Variants in MCM8 observed in about 807,000 individuals in gnomAD.
MCM8 encodes the protein minichromosome maintenance 8 homologous recombination repair factor, also known as DNA helicase MCM8.
MCM8 carries 85 observed loss-of-function variants against 98.9 expected under a neutral mutation model. The observed-to-expected ratio is 0.86, with a 90% CI of 0.72 to 1.03. The LOEUF is 1.03. Ranked by LOEUF, MCM8 falls within the 50% of genes least tolerant of loss-of-function variation. The pLI, the probability that MCM8 is intolerant of heterozygous loss-of-function variation, is 0.00. For missense variants in MCM8, 951 were observed against 997.8 expected (o/e 0.95, Z 0.63); for synonymous variants, 352 against 338.6 (o/e 1.04, Z -0.44).
At chr20:5,979,752 G>T (rs1037145039) in intron 13 of MCM8, among the ~76,000 whole-genome samples, 3 of 152,166 alleles carry the variant, frequency 2.0e-5, no homozygotes, top group African/African-American at 7.2e-5. Flanking sequence ...TGGCATGCCT[G>T]TAACCACGCT....
intron 8 of MCM8, among the ~76,000 whole-genome samples, chr20:5,963,704 A>T (rs2089208788): frequency 6.6e-6 from 1 of 151,394 alleles, no homozygotes; most frequent in African/African-American, 2.4e-5. Flanking sequence ...ATTTTTTTGT[A>T]TTTTTAGTAG....
intron 14 of MCM8, 38 bp downstream of exon 14, chr20:5,983,203 A>T (rs777816898): frequency 2.7e-6 from 4 of 1,497,198 alleles, no homozygotes; most frequent in Non-Finnish European, 9.1e-7. Flanking sequence ...TAATGTATTG[A>T]ATCACTTTAA....
intron 12 of MCM8, among the ~76,000 whole-genome samples, chr20:5,976,284 C>T (rs2089509593): frequency 6.6e-6 from 1 of 152,076 alleles, no homozygotes; most frequent in Non-Finnish European, 1.5e-5. Flanking sequence ...ATTAGCCAGT[C>T]ATGGTGGCAT....
Position 5,997,378 on chromosome 20 carries a change from C to G in MCM8, c.*2987C>G, listed in dbSNP as rs2089972862. On this transcript the variant is annotated 3_prime_UTR_variant, in exon 19 of 19. Coordinates refer to ENST00000610722, the MANE Select transcript of MCM8 (RefSeq NM_032485.6). ...TATTTTTAGTAGAGACGGGGTTTCT[C>G]CATGTTGGTGAGGCTGGTTTTTAAC... The G allele has an allele frequency of 6.6e-6, 1 of 152,082 alleles. No individual in the cohort carries two copies. The highest frequency in any genetic ancestry group is 1.9e-4 in the East Asian group (1 of 5,168). 9.4% of individuals were successfully genotyped at this position (152,082 alleles called of 1,614,324 possible).
intron 17 of MCM8, among the ~76,000 whole-genome samples, chr20:5,990,376 A>G (rs2089825667): frequency 6.6e-6 from 1 of 152,044 alleles, no homozygotes; most frequent in South Asian, 2.1e-4. Context: ...CGCGCCTGAC[A>G]TCACACAGTC....
At chr20:5,978,227 T>G (rs563900023) in intron 13 of MCM8, among the ~76,000 whole-genome samples, 1 of 152,254 alleles carries the variant, frequency 6.6e-6, no homozygotes, top group Non-Finnish European at 1.5e-5. Context: ...TCATTCATTT[T>G]CAGAATCTTA....
chr20:5,972,055 T>A lies in MCM8; in HGVS notation c.1254+18T>A, dbSNP rs2089415438. 1 of 1,599,744 alleles carries A rather than the reference T, an allele frequency of 6.3e-7. No homozygotes were observed. Among genetic ancestry groups the A allele is most frequent in the South Asian group, 1.1e-5 (1 of 89,024 alleles). Reference sequence around the variant, plus strand: ...GTCATGAAGTAAGTATTTTACTTCATCTTTACTCAAAAAGTATATAAGGTT... The same window carrying A: ...GTCATGAAGTAAGTATTTTACTTCAACTTTACTCAAAAAGTATATAAGGTT... On this transcript the variant is annotated intron_variant, in intron 11 of 18. Transcript: ENST00000610722.
At chr20:5,959,690 CTTTTTTTTTTTT>C (rs61232248) in intron 7 of MCM8, among the ~76,000 whole-genome samples, 3 of 65,200 alleles carry the variant, frequency 4.6e-5, no homozygotes, top group Admixed American at 4.4e-4. Context: ...GTAGGCTGTA[CTTTTTTTTTTTT>C]TTTTTTTTTT....
chr20:5,967,502 G>A lies in MCM8; in HGVS notation c.942G>A (p.Glu314=), dbSNP rs1429093728. The part of the protein sequence containing the change: ...AGRIPRTIEC[E]LVHDLVDSCV... Reference sequence around the variant, plus strand: ...GGATTCCACGAACAATAGAATGTGAGCTTGTTCATGATCTTGTGGATAGCT... The same window carrying A: ...GGATTCCACGAACAATAGAATGTGAACTTGTTCATGATCTTGTGGATAGCT... Residue 314 remains glutamate (E), a synonymous_variant, in exon 9 of 19, where the codon GAG becomes GAA. Coordinates refer to ENST00000610722, the MANE Select transcript of MCM8 (RefSeq NM_032485.6). 1.9e-6 allele frequency: 3 copies of A among 1,613,938 alleles called. No individual in the cohort carries two copies. In the East Asian group the frequency reaches 6.7e-5, roughly 36 times the overall value.
In MCM8 at chr20:5,963,282, G is replaced by C. The variant is rs2089193766; in HGVS notation, c.798G>C (p.Val266=). The C allele has an allele frequency of 6.2e-7, 1 of 1,613,248 alleles. No homozygotes were observed. The highest frequency in any genetic ancestry group is 8.5e-7 in the Non-Finnish European group (1 of 1,179,382). ...GKYSLPTKCP[V]PVCRGRSFTA... ...ACTTTTGTTTCATTCAGTGTCCTGT[G>C]CCTGTGTGTCGAGGCAGGTCATTTA... The change falls in exon 8 of 19, where the codon GTG becomes GTC. Residue 266 remains valine, a synonymous_variant. Transcript: ENST00000610722.
chr20:5,979,280 G>C (rs1055577618), intron 13 of MCM8, among the ~76,000 whole-genome samples: 5 of 150,940 alleles, frequency 3.3e-5, no homozygotes, highest in Admixed American at 1.3e-4. Context: ...CCTCTTACCT[G>C]TTGTTAACTA....
chr20:5,961,572 G>A (rs553720197), intron 7 of MCM8, among the ~76,000 whole-genome samples: 1 of 152,240 alleles, frequency 6.6e-6, no homozygotes, highest in Non-Finnish European at 1.5e-5. Flanking sequence ...TGTTTGTCTT[G>A]GCTTAAGGTT....
chr20:5,967,357 T>C, intron 8 of MCM8, 79 bp from the exon 9 acceptor site: 1 of 1,293,694 alleles, frequency 7.7e-7, no homozygotes, highest in South Asian at 1.5e-5. Context: ...CTCAGCATCA[T>C]GTGAACCCTG....
chr20:5,967,639 T>G (rs748959997), intron 9 of MCM8, 52 bp downstream of exon 9: 10 of 1,551,462 alleles, frequency 6.4e-6, no homozygotes, highest in Non-Finnish European at 8.8e-6. Flanking sequence ...TTCATCAACG[T>G]TCATCTTTTC....
Position 5,984,898 on chromosome 20 carries a change from G to T in MCM8, c.1851G>T (p.Gln617His). 1 of 1,614,136 alleles carries T rather than the reference G, an allele frequency of 6.2e-7. No individual in the cohort carries two copies. The highest frequency in any genetic ancestry group is 1.1e-5 in the South Asian group (1 of 91,080). The change falls in exon 15 of 19, where the codon CAG (glutamine) becomes CAT (histidine). Residue 617 changes from glutamine to histidine, a missense_variant. Gln to His is a conservative substitution (Grantham distance 24, BLOSUM62 0). Transcript: ENST00000610722. ...EHVIAIRAGK[Q>H]RTISSATVAR... ...TGATTGCAATAAGAGCTGGAAAGCA[G>T]AGAACCATTAGCAGTGCCACAGTAG...
rs1395603973 is a variant in MCM8 at position 5,997,756 on chromosome 20, A to C, written c.*3365A>C. ...GTAGCTGGAACTACAGGAATGCAACACCATGCCCAGCTAATTTTGATTTTT... is the reference window on the plus strand; with the variant it reads ...GTAGCTGGAACTACAGGAATGCAACCCCATGCCCAGCTAATTTTGATTTTT... On this transcript the variant is annotated 3_prime_UTR_variant, in exon 19 of 19. Coordinates refer to ENST00000610722, the MANE Select transcript of MCM8 (RefSeq NM_032485.6). 1 of 152,300 alleles carries C rather than the reference A, an allele frequency of 6.6e-6. No individual in the cohort carries two copies. The allele number at this position is 152,300 out of a possible 1,614,324, so 9.4% of individuals were successfully genotyped here.
At chr20:5,985,639 G>A (rs568465781) in intron 15 of MCM8, among the ~76,000 whole-genome samples, 127 of 151,736 alleles carry the variant, frequency 8.4e-4, no homozygotes, top group South Asian at 2.1e-4. Flanking sequence ...TCTGTCTCCC[G>A]GGTTCAAGTG....
intron 13 of MCM8, among the ~76,000 whole-genome samples, chr20:5,979,794 C>T (rs2089593106): frequency 1.3e-5 from 2 of 152,178 alleles, no homozygotes; most frequent in Non-Finnish European, 2.9e-5. Flanking sequence ...ATACAGTAAT[C>T]TCATTAAAAA....
At chr20:5,967,101 T>G (rs944175950) in intron 8 of MCM8, among the ~76,000 whole-genome samples, 6 of 152,248 alleles carry the variant, frequency 3.9e-5, no homozygotes, top group African/African-American at 1.4e-4. Flanking sequence ...CCATGTGTAT[T>G]CTGGACTTTA....
Sources: gnomAD v4.1 joint callset for allele counts (sites outside exome capture counted in the v4.1 genomes callset) on GRCh38, gnomAD v4.1.1 for gene constraint, MANE v1.5 for transcripts, NCBI Gene and HGNC (gene_info 2026-07-23, HGNC 2026-07-21) for gene names.